Variants in ATP8A2 observed in about 807,000 individuals in gnomAD.
ATP8A2 encodes the protein phospholipid-transporting ATPase IB.
ATP8A2 carries 100 observed loss-of-function variants against 165.6 expected under a neutral mutation model. The observed-to-expected ratio is 0.60, with a 90% CI of 0.51 to 0.71. The LOEUF is 0.71. Among genes scored for constraint, ATP8A2 ranks in the 30% least tolerant of loss-of-function variants. ATP8A2 has a pLI of 0.00. For synonymous variants in ATP8A2, 543 were observed against 548.8 expected (o/e 0.99, Z 0.15); for missense variants, 1,227 against 1,479.5 (o/e 0.83, Z 2.80).
intron 27 of ATP8A2, among the ~76,000 whole-genome samples, chr13:25,786,754 G>GATTTTTTTTTTTTTTTTTTTTTTT (rs58430501): frequency 7.4e-6 from 1 of 134,644 alleles, no homozygotes. Context: ...ACAATTCTAT[G>GATTTTTTTTTTTTTTTTTTTTTTT]TTTTTTTTTT....
Position 25,769,056 on chromosome 13 carries a change from C to A in ATP8A2, c.2395C>A (p.Leu799Met). The change falls in exon 26 of 37, where the codon CTG becomes ATG. Residue 799 changes from leucine (L) to methionine (M), a missense_variant. By Grantham distance (15) the Leu-to-Met change is conservative. Coordinates refer to ENST00000381655, the MANE Select transcript of ATP8A2 (RefSeq NM_016529.6). Reference sequence around the variant, plus strand: ...TCTCTTTTCTCACAGAGTGTCTCCTCTGCAGAAGTCTGAGATAGTGGATGT... The same window carrying A: ...TCTCTTTTCTCACAGAGTGTCTCCTATGCAGAAGTCTGAGATAGTGGATGT... ...KAVICCRVSP[L>M]QKSEIVDVVK... 1.2e-6 allele frequency: 2 copies of A among 1,614,206 alleles called. No individual in the cohort carries two copies. The highest frequency in any genetic ancestry group is 1.7e-6 in the Non-Finnish European group (2 of 1,180,018).
intron 27 of ATP8A2, among the ~76,000 whole-genome samples, chr13:25,803,723 CA>C (rs1357187658): frequency 6.6e-6 from 1 of 152,232 alleles, no homozygotes. Flanking sequence ...AAGTTCTCCA[CA>C]TCAAACTGTG....
intron 24 of ATP8A2, among the ~76,000 whole-genome samples, chr13:25,652,659 A>G (rs1566016391): frequency 2.6e-5 from 4 of 152,174 alleles, no homozygotes; most frequent in African/African-American, 4.8e-5. Flanking sequence ...GTGTTGTTAC[A>G]TAATTATTTT....
intron 1 of ATP8A2, among the ~76,000 whole-genome samples, chr13:25,462,269 G>T (rs926584256): frequency 6.6e-6 from 1 of 152,186 alleles, no homozygotes. Flanking sequence ...CAGTCCTCTA[G>T]ATGATTGTCC....
chr13:25,420,506 A>G (rs2034268592), intron 1 of ATP8A2, among the ~76,000 whole-genome samples: 2 of 152,254 alleles, frequency 1.3e-5, no homozygotes, highest in South Asian at 4.1e-4. Context: ...TTTAGATGCA[A>G]TTTGGTGACT....
chr13:25,739,669 G>A (rs2043865326), intron 25 of ATP8A2, among the ~76,000 whole-genome samples: 1 of 152,118 alleles, frequency 6.6e-6, no homozygotes, highest in African/African-American at 2.4e-5. Context: ...ATGAGGATTG[G>A]TATGATGTAT....
intron 28 of ATP8A2, among the ~76,000 whole-genome samples, chr13:25,833,033 T>G (rs1461871327): frequency 6.6e-6 from 1 of 151,982 alleles, no homozygotes; most frequent in Admixed American, 6.6e-5. Context: ...TAAATATATT[T>G]TTAAAATCAA....
Position 25,774,903 on chromosome 13 carries a change from G to A in ATP8A2, c.2623G>A (p.Val875Met). The A allele has an allele frequency of 6.2e-7, 1 of 1,613,936 alleles. No individual in the cohort carries two copies. The highest frequency in any genetic ancestry group is 8.5e-7 in the Non-Finnish European group (1 of 1,179,848). Residue 875 changes from valine (V) to methionine (M), a missense_variant, in exon 27 of 37, where the codon GTG becomes ATG. Val to Met is a conservative substitution (Grantham distance 21, BLOSUM62 1). Transcript: ENST00000381655. ...TCATGGAGCCTGGAGCTACAACCGG[G>A]TGACCAAGTGCATCTTGTACTGCTT... ...LVHGAWSYNR[V>M]TKCILYCFYK...
chr13:25,879,699 A>G (rs1952921894), intron 33 of ATP8A2, among the ~76,000 whole-genome samples: 2 of 152,238 alleles, frequency 1.3e-5, no homozygotes, highest in Non-Finnish European at 2.9e-5. Flanking sequence ...TCCTTTCTGC[A>G]GTGGTTCTTC....
intron 35 of ATP8A2, among the ~76,000 whole-genome samples, chr13:26,009,840 C>T (rs1159353338): frequency 6.6e-6 from 1 of 152,062 alleles, no homozygotes; most frequent in African/African-American, 2.4e-5. Context: ...CTGAAGTGGG[C>T]GGATCACCTG....
intron 35 of ATP8A2, among the ~76,000 whole-genome samples, chr13:25,969,266 C>T (rs1955859736): frequency 6.6e-6 from 1 of 152,172 alleles, no homozygotes; most frequent in African/African-American, 2.4e-5. Context: ...CCACAAGGAA[C>T]AGCTGGGTCT....
intron 8 of ATP8A2, among the ~76,000 whole-genome samples, chr13:25,541,449 G>C (rs1054909276): frequency 1.3e-5 from 2 of 152,108 alleles, no homozygotes; most frequent in African/African-American, 4.8e-5. Context: ...CTTGAGCTCA[G>C]GATTTTGAGC....
At chr13:25,537,041 T>C (rs554660555) in intron 6 of ATP8A2, among the ~76,000 whole-genome samples, 1 of 152,334 alleles carries the variant, frequency 6.6e-6, no homozygotes, top group Admixed American at 6.5e-5. Context: ...TGAAAGCCCC[T>C]GTTCTCTCTA....
intron 24 of ATP8A2, among the ~76,000 whole-genome samples, chr13:25,597,229 T>G (rs1256231905): frequency 6.6e-6 from 1 of 152,240 alleles, no homozygotes; most frequent in Non-Finnish European, 1.5e-5. Flanking sequence ...ATCCATTTTC[T>G]TACCAGTGTT....
chr13:25,637,092 CAAAAAAAAAAAA>C (rs56069703), intron 24 of ATP8A2, among the ~76,000 whole-genome samples: 1 of 67,664 alleles, frequency 1.5e-5, no homozygotes, highest in Admixed American at 2.2e-4. Context: ...GACCCTGTCT[CAAAAAAAAAAAA>C]AAAAAAAAAA....
intron 33 of ATP8A2, among the ~76,000 whole-genome samples, chr13:25,934,727 G>A (rs891129467): frequency 1.3e-5 from 2 of 152,220 alleles, no homozygotes; most frequent in African/African-American, 4.8e-5. Flanking sequence ...AGCTCAGGCA[G>A]TGTTCTTTCA....
intron 30 of ATP8A2, among the ~76,000 whole-genome samples, chr13:25,850,787 TC>T (rs1456063499): frequency 2.0e-5 from 3 of 152,228 alleles, no homozygotes; most frequent in Admixed American, 2.0e-4. Context: ...ATGGGGCTTT[TC>T]CAGCCTGCAT....
chr13:25,920,694 C>T (rs1954424527), intron 33 of ATP8A2, among the ~76,000 whole-genome samples: 1 of 152,244 alleles, frequency 6.6e-6, no homozygotes, highest in Non-Finnish European at 1.5e-5. Context: ...CTGAGGCTCC[C>T]ATGCCCTTCC....
At chr13:25,431,970 T>C (rs2034626930) in intron 1 of ATP8A2, among the ~76,000 whole-genome samples, 1 of 152,208 alleles carries the variant, frequency 6.6e-6, no homozygotes, top group Non-Finnish European at 1.5e-5. Flanking sequence ...GGGCATTTCC[T>C]TTAAATTGAG....
Sources: allele counts gnomAD v4.1 joint callset (sites outside exome capture counted in the v4.1 genomes callset), GRCh38; gene constraint gnomAD v4.1.1; transcripts MANE v1.5; gene names NCBI Gene and HGNC (gene_info 2026-07-23, HGNC 2026-07-21).